RBMS1: variants seen among roughly 807,000 people sequenced by gnomAD.
The protein encoded by RBMS1 is RNA binding motif single stranded interacting protein 1.
Under a neutral mutation model 62.3 loss-of-function variants are expected in RBMS1, and 17 were observed. That is an observed-to-expected ratio of 0.27 (90% CI 0.19 to 0.41). The LOEUF is 0.41. Ranked by LOEUF, RBMS1 falls within the 10% of genes least tolerant of loss-of-function variation. The pLI is 1.00. For missense variants in RBMS1, 334 were observed against 504.5 expected, an observed-to-expected ratio of 0.66 and a Z score of 3.24; for synonymous variants, 172 against 170.0, an observed-to-expected ratio of 1.01 and a Z score of -0.09.
intron 4 of RBMS1, among the ~76,000 whole-genome samples, chr2:160,311,128 G>C (rs1252352230): frequency 6.6e-6 from 1 of 150,440 alleles, no homozygotes; most frequent in Non-Finnish European, 1.5e-5. Flanking sequence ...TGGAGGGGCA[G>C]AGGTTGCAGT....
chr2:160,413,065 C>G (rs1011382877), intron 1 of RBMS1, among the ~76,000 whole-genome samples: 3 of 152,178 alleles, frequency 2.0e-5, no homozygotes. Context: ...GAATAGAACA[C>G]CTCTATCAAG....
intron 1 of RBMS1, among the ~76,000 whole-genome samples, chr2:160,400,421 T>C (rs1240750251): frequency 4.1e-5 from 6 of 147,562 alleles, no homozygotes; most frequent in Admixed American, 4.0e-4. Context: ...ATGAAGACAA[T>C]CATATGTATT....
Position 160,272,275 on chromosome 2 carries a change from A to C in RBMS1, c.*2497T>G, listed in dbSNP as rs1687617502. ...TTTAACAACAAGTCCTAGGAAAGAA[A>C]ACTACAGAGTTATCTTGAACCGGAC... On this transcript the variant is annotated 3_prime_UTR_variant, in exon 14 of 14. Transcript: ENST00000348849. 6.6e-6 allele frequency: 1 copy of C among 152,234 alleles called. No individual in the cohort carries two copies. Among genetic ancestry groups the C allele is most frequent in the Non-Finnish European group, 1.5e-5 (1 of 68,042 alleles). 9.4% of individuals were successfully genotyped at this position (152,234 alleles called of 1,614,324 possible). A position where few individuals can be genotyped will look rare whatever the true frequency, so the allele number is the denominator to read the frequency against.
At chr2:160,314,474 G>A (rs1690103367) in intron 3 of RBMS1, among the ~76,000 whole-genome samples, 1 of 152,042 alleles carries the variant, frequency 6.6e-6, no homozygotes, top group Admixed American at 6.6e-5. Flanking sequence ...ATCTAAATTA[G>A]TAGTAATTTA....
chr2:160,344,719 A>AG (rs1259392022), intron 2 of RBMS1, among the ~76,000 whole-genome samples: 1 of 152,142 alleles, frequency 6.6e-6, no homozygotes, highest in Non-Finnish European at 1.5e-5. Flanking sequence ...GAGAGAACAG[A>AG]GAAGAAAACC....
intron 1 of RBMS1, among the ~76,000 whole-genome samples, chr2:160,408,822 C>CA (rs1400726896): frequency 6.6e-6 from 1 of 152,222 alleles, no homozygotes; most frequent in Non-Finnish European, 1.5e-5. Context: ...CCCGGACTGA[C>CA]AGAGCCTGCG....
chr2:160,463,198 T>C (rs960411494), intron 1 of RBMS1, among the ~76,000 whole-genome samples: 1 of 152,212 alleles, frequency 6.6e-6, no homozygotes, highest in Non-Finnish European at 1.5e-5. Flanking sequence ...AAAGAAATGA[T>C]AACCTGTTCT....
At chr2:160,414,339 CAG>C (rs918828443) in intron 1 of RBMS1, among the ~76,000 whole-genome samples, 2 of 151,418 alleles carry the variant, frequency 1.3e-5, no homozygotes, top group African/African-American at 2.4e-5. Flanking sequence ...ATTGGTGGGA[CAG>C]AGTTAGGAGA....
At chr2:160,433,017 C>G (rs370942987) in intron 1 of RBMS1, among the ~76,000 whole-genome samples, 1 of 152,064 alleles carries the variant, frequency 6.6e-6, no homozygotes. Flanking sequence ...AGCTGAGTTA[C>G]GAGCTACTCT....
chr2:160,471,442 T>A (rs1684905997), intron 1 of RBMS1, among the ~76,000 whole-genome samples: 1 of 151,724 alleles, frequency 6.6e-6, no homozygotes, highest in Non-Finnish European at 1.5e-5. Flanking sequence ...ATATTTTAAG[T>A]TTATAAAGTC....
At chr2:160,380,756 A>G (rs889075277) in intron 1 of RBMS1, among the ~76,000 whole-genome samples, 1 of 152,182 alleles carries the variant, frequency 6.6e-6, no homozygotes, top group African/African-American at 2.4e-5. Flanking sequence ...GGAATAGACA[A>G]GCTTCCTTTT....
intron 1 of RBMS1, among the ~76,000 whole-genome samples, chr2:160,423,376 T>A (rs1004037182): frequency 6.1e-5 from 3 of 49,384 alleles, no homozygotes; most frequent in Admixed American, 2.1e-4. Flanking sequence ...AAAAGCGGGG[T>A]GGGGGGGAGG....
At chr2:160,452,875 C>T (rs1356305763) in intron 1 of RBMS1, among the ~76,000 whole-genome samples, 1 of 152,158 alleles carries the variant, frequency 6.6e-6, no homozygotes, top group Non-Finnish European at 1.5e-5. Context: ...TATGAGATCA[C>T]ATTACAGGGA....
chr2:160,275,735 T>C (rs759589675), intron 12 of RBMS1, 21 bp from the exon 13 acceptor site: 15 of 1,613,392 alleles, frequency 9.3e-6, no homozygotes, highest in Non-Finnish European at 1.3e-5. Context: ...CAAAGCAGAA[T>C]GGATGAGACA....
chr2:160,348,329 T>C (rs1051775020), intron 2 of RBMS1, among the ~76,000 whole-genome samples: 1 of 151,864 alleles, frequency 6.6e-6, no homozygotes, highest in African/African-American at 2.4e-5. Context: ...AAAATGACAT[T>C]TACCCATCTA....
At chr2:160,421,184 T>G (rs1179256465) in intron 1 of RBMS1, among the ~76,000 whole-genome samples, 1 of 152,034 alleles carries the variant, frequency 6.6e-6, no homozygotes. Flanking sequence ...CTAGGGTACA[T>G]GTGTACAACG....
intron 1 of RBMS1, among the ~76,000 whole-genome samples, chr2:160,377,169 A>G (rs546626170): frequency 6.6e-6 from 1 of 152,306 alleles, no homozygotes; most frequent in South Asian, 2.1e-4. Flanking sequence ...ATATACATAA[A>G]TAGGCACAGA....
At chr2:160,324,550 T>C (rs1365209190) in intron 2 of RBMS1, among the ~76,000 whole-genome samples, 2 of 151,858 alleles carry the variant, frequency 1.3e-5, no homozygotes, top group Admixed American at 6.6e-5. Context: ...AAAAGTGATA[T>C]GTATAAACAA....
chr2:160,340,190 G>C (rs891625068), intron 2 of RBMS1, among the ~76,000 whole-genome samples: 1 of 151,640 alleles, frequency 6.6e-6, no homozygotes, highest in South Asian at 2.1e-4. Context: ...CTATTTCTTT[G>C]CTGTCATTTA....
Sources: gnomAD v4.1 joint callset for allele counts (sites outside exome capture counted in the v4.1 genomes callset) on GRCh38, gnomAD v4.1.1 for gene constraint, MANE v1.5 for transcripts, NCBI Gene and HGNC (gene_info 2026-07-23, HGNC 2026-07-21) for gene names.